LMO7: variants seen among roughly 807,000 people sequenced by gnomAD.
LMO7 encodes LIM domain only protein 7.
Under a neutral mutation model 206.5 loss-of-function variants are expected in LMO7, and 120 were observed. The observed-to-expected ratio is 0.58, with a 90% CI of 0.50 to 0.68. LMO7 has a LOEUF of 0.68. Among genes scored for constraint, LMO7 ranks in the 30% least tolerant of loss-of-function variants. The pLI, the probability that LMO7 is intolerant of heterozygous loss-of-function variation, is 0.00. For missense variants in LMO7, 1,959 were observed against 1,957.9 expected (o/e 1.00, Z -0.01); for synonymous variants, 706 against 681.5 (o/e 1.04, Z -0.56).
intron 1 of LMO7, among the ~76,000 whole-genome samples, chr13:75,712,596 C>T (rs554921160): frequency 6.6e-6 from 1 of 152,300 alleles, no homozygotes; most frequent in African/African-American, 2.4e-5. Flanking sequence ...CACCATCTCA[C>T]CTCTCTTTCT....
chr13:75,814,108 A>G (rs991171493), intron 11 of LMO7, among the ~76,000 whole-genome samples: 7 of 152,232 alleles, frequency 4.6e-5, no homozygotes, highest in African/African-American at 1.4e-4. Context: ...CTATATTCAT[A>G]TATGTCCTCA....
At chr13:75,699,778 T>C (rs2042155095) in intron 1 of LMO7, among the ~76,000 whole-genome samples, 1 of 152,192 alleles carries the variant, frequency 6.6e-6, no homozygotes, top group Admixed American at 6.5e-5. Flanking sequence ...TTGTCATTGA[T>C]AAACATCTTA....
chr13:75,714,561 C>G (rs77435736), intron 2 of LMO7, among the ~76,000 whole-genome samples: 41 of 152,154 alleles, frequency 2.7e-4, no homozygotes, highest in Non-Finnish European at 5.0e-4. Flanking sequence ...TTTCACCTAA[C>G]GTATAGGTGA....
chr13:75,634,429 T>C (rs976131521), upstream of LMO7, among the ~76,000 whole-genome samples: 25 of 115,922 alleles, frequency 2.2e-4, no homozygotes, highest in African/African-American at 5.5e-4. Flanking sequence ...CAGAGCTGTC[T>C]CTTAAAAAAC....
chr13:75,852,963 A>T, intron 27 of LMO7, 129 bp from the exon 28 acceptor site: 1 of 722,452 alleles, frequency 1.4e-6, no homozygotes. Flanking sequence ...TGTATATGTA[A>T]CTAGAATACT....
intron 2 of LMO7, among the ~76,000 whole-genome samples, chr13:75,631,085 C>T (rs756514972): frequency 4.0e-4 from 61 of 152,078 alleles, no homozygotes; most frequent in Non-Finnish European, 6.9e-4. Context: ...GGAGTGCAGT[C>T]GTGCAATCTT....
At chr13:75,755,325 C>T (rs750004700) in intron 3 of LMO7, among the ~76,000 whole-genome samples, 3 of 152,106 alleles carry the variant, frequency 2.0e-5, no homozygotes, top group Non-Finnish European at 4.4e-5. Flanking sequence ...CCTCTCTATT[C>T]CTGAAAGAAA....
Position 75,800,745 on chromosome 13 carries a change from G to A in LMO7, c.524G>A (p.Trp175Ter). 6.2e-7 allele frequency: 1 copy of A among 1,614,128 alleles called. No individual in the cohort carries two copies. The highest frequency in any genetic ancestry group is 1.1e-5 in the South Asian group (1 of 91,078). Residue 175 changes from tryptophan to a stop codon, truncating the protein, a stop_gained, in exon 7 of 31, where the codon TGG (tryptophan) becomes TAG (stop). Coordinates refer to ENST00000377534, the MANE Select transcript of LMO7 (RefSeq NM_001306080.2). LOFTEE classifies it high-confidence loss of function. ...AGGGACAGTGGCTACGGTGACATCT[G>A]GTGTCCTGAACGTGGAGAATTTCTT... ...SGRDSGYGDI[W>*]CPERGEFLAP...
intron 2 of LMO7, among the ~76,000 whole-genome samples, chr13:75,723,063 A>G (rs1160458861): frequency 2.0e-5 from 3 of 152,062 alleles, no homozygotes; most frequent in Non-Finnish European, 4.4e-5. Flanking sequence ...TATTGCGTGC[A>G]GTGGATACTC....
intron 4 of LMO7, among the ~76,000 whole-genome samples, chr13:75,778,277 G>A (rs1362160903): frequency 6.6e-6 from 1 of 151,924 alleles, no homozygotes; most frequent in Admixed American, 6.6e-5. Context: ...CTGTCTCCCA[G>A]GCTGGAGTGC....
At chr13:75,690,814 C>T (rs1224611471) in intron 1 of LMO7, among the ~76,000 whole-genome samples, 1 of 152,304 alleles carries the variant, frequency 6.6e-6, no homozygotes, top group South Asian at 2.1e-4. Context: ...TTGTCTTCCA[C>T]ATTACTTTTA....
intron 3 of LMO7, among the ~76,000 whole-genome samples, chr13:75,732,951 C>T (rs1284115439): frequency 3.3e-5 from 5 of 152,118 alleles, no homozygotes; most frequent in South Asian, 2.1e-4. Context: ...TTTCGTGAAC[C>T]GCGAATGCTG....
At chr13:75,761,131 C>A in intron 4 of LMO7, 93 bp downstream of exon 4, 1 of 794,006 alleles carries the variant, frequency 1.3e-6, no homozygotes, top group Non-Finnish European at 1.9e-6. Flanking sequence ...TTCATGATTA[C>A]AGAAAAATTC....
intron 1 of LMO7, among the ~76,000 whole-genome samples, chr13:75,710,103 A>G (rs1359984299): frequency 2.0e-5 from 3 of 152,124 alleles, no homozygotes; most frequent in Non-Finnish European, 4.4e-5. Flanking sequence ...AAGATCAGAT[A>G]GTTGTAGATA....
intron 12 of LMO7, 184 bp from the exon 13 acceptor site, chr13:75,819,209 C>T (rs1245408072): frequency 7.5e-6 from 4 of 532,148 alleles, no homozygotes; most frequent in Non-Finnish European, 1.3e-5. Flanking sequence ...GTTTTTGAGA[C>T]AGACACATGA....
chr13:75,856,060 C>G (rs531378798), intron 29 of LMO7, among the ~76,000 whole-genome samples: 1 of 152,198 alleles, frequency 6.6e-6, no homozygotes, highest in Admixed American at 6.5e-5. Flanking sequence ...ATCGAAATAT[C>G]CAGCCTTGAA....
chr13:75,646,532 G>C (rs990039126), intron 1 of LMO7, among the ~76,000 whole-genome samples: 1 of 151,150 alleles, frequency 6.6e-6, no homozygotes, highest in African/African-American at 2.4e-5. Flanking sequence ...CTTGCTTACT[G>C]TGCTCATACT....
At chr13:75,733,109 C>T (rs541055023) in intron 3 of LMO7, among the ~76,000 whole-genome samples, 1 of 152,330 alleles carries the variant, frequency 6.6e-6, no homozygotes, top group Non-Finnish European at 1.5e-5. Flanking sequence ...TCTCCCCGTT[C>T]TCAGATCTCC....
At chr13:75,732,249 CT>C (rs2045321083) in intron 3 of LMO7, among the ~76,000 whole-genome samples, 1 of 152,228 alleles carries the variant, frequency 6.6e-6, no homozygotes, top group South Asian at 2.1e-4. Flanking sequence ...CTCCCCGTCA[CT>C]TTCAGGTACA....
Sources: allele counts gnomAD v4.1 joint callset (sites outside exome capture counted in the v4.1 genomes callset), GRCh38; gene constraint gnomAD v4.1.1; transcripts MANE v1.5; gene names NCBI Gene and HGNC (gene_info 2026-07-23, HGNC 2026-07-21).